Variants in FGF13 observed in about 807,000 individuals in gnomAD.
FGF13 encodes the protein fibroblast growth factor homologous factor 2.
In FGF13, 2 loss-of-function variants were observed where a neutral mutation model predicts 19.5. The ratio of observed to expected loss-of-function variants is 0.10; its 90% CI spans 0.04 to 0.32. FGF13 has a LOEUF of 0.32. Among genes scored for constraint, FGF13 ranks in the 10% least tolerant of loss-of-function variants. The probability of loss-of-function intolerance (pLI) is 1.00; values close to 1 mark genes in which losing one functional copy is unlikely to be tolerated. For synonymous variants in FGF13, 72 were observed against 76.9 expected (o/e 0.94, Z 0.33); for missense variants, 113 against 192.7 (o/e 0.59, Z 2.45).
At chrX:138,997,088 G>A (rs1250905757) in intron 1 of FGF13, among the ~76,000 whole-genome samples, 1 of 112,234 alleles carries the variant, frequency 8.9e-6, no homozygotes, top group African/African-American at 3.2e-5. Flanking sequence ...CAGCTGAGGA[G>A]CCTGACTGTT....
chrX:138,865,473 CCTCT>C (rs1197850890), intron 1 of FGF13, among the ~76,000 whole-genome samples: 15 of 64,419 alleles, frequency 2.3e-4, no homozygotes, highest in Non-Finnish European at 4.7e-4. Flanking sequence ...CTCTCTCTCT[CCTCT>C]CTCTCTCTCC....
At chrX:138,814,612 C>T (rs893805351) in intron 3 of FGF13, among the ~76,000 whole-genome samples, 2 of 111,031 alleles carry the variant, frequency 1.8e-5, no homozygotes, top group African/African-American at 6.5e-5. Flanking sequence ...TGCTCGACAT[C>T]CTAATTATCA....
intron 3 of FGF13, among the ~76,000 whole-genome samples, chrX:138,655,890 T>C (rs1040654474): frequency 1.8e-5 from 2 of 111,766 alleles, no homozygotes; most frequent in African/African-American, 6.5e-5. Flanking sequence ...GGAGAATACA[T>C]AGCTTCTTTG....
At chrX:138,809,969 C>A (rs1304104429) in intron 3 of FGF13, among the ~76,000 whole-genome samples, 1 of 111,635 alleles carries the variant, frequency 9.0e-6, no homozygotes, top group Non-Finnish European at 1.9e-5. Context: ...GAAGAACATC[C>A]CATGCTCATG....
intron 1 of FGF13, among the ~76,000 whole-genome samples, chrX:139,140,637 G>A (rs1419623059): frequency 4.5e-5 from 5 of 111,160 alleles, no homozygotes; most frequent in Non-Finnish European, 3.8e-5. Flanking sequence ...GTCCCTTAGG[G>A]TCTATTTCAA....
chrX:138,867,345 C>A (rs769247199), intron 1 of FGF13, among the ~76,000 whole-genome samples: 1 of 111,112 alleles, frequency 9.0e-6, no homozygotes, highest in Non-Finnish European at 1.9e-5. Context: ...CTTGAGCCCA[C>A]GAGTTCGAGG....
At chrX:138,817,779 T>C (rs777619694) in intron 3 of FGF13, among the ~76,000 whole-genome samples, 85 of 112,335 alleles carry the variant, frequency 7.6e-4, no homozygotes, top group Non-Finnish European at 1.1e-3. Flanking sequence ...GGATTGAAGT[T>C]ACAGATGTAC....
chrX:138,648,099 G>A (rs929082784), intron 3 of FGF13, among the ~76,000 whole-genome samples: 1 of 111,505 alleles, frequency 9.0e-6, no homozygotes, highest in Non-Finnish European at 1.9e-5. Flanking sequence ...TGATCAATTC[G>A]TACTTTGTTC....
chrX:139,194,691 C>A (rs2084358084), intron 1 of FGF13, among the ~76,000 whole-genome samples: 2 of 111,523 alleles, frequency 1.8e-5, no homozygotes, highest in African/African-American at 6.5e-5. Flanking sequence ...GCGCGCCTCC[C>A]TGAGCCCCGC....
intron 1 of FGF13, among the ~76,000 whole-genome samples, chrX:138,999,329 T>A (rs1010365481): frequency 3.6e-5 from 4 of 111,138 alleles, no homozygotes; most frequent in African/African-American, 1.3e-4. Flanking sequence ...AATAAATACC[T>A]AAGATCAGAG....
intron 1 of FGF13, among the ~76,000 whole-genome samples, chrX:138,733,962 C>T (rs955896300): frequency 1.4e-4 from 15 of 110,787 alleles, no homozygotes; most frequent in African/African-American, 4.6e-4. Flanking sequence ...AGATGCTCAG[C>T]GCAAGGGGAC....
intron 1 of FGF13, among the ~76,000 whole-genome samples, chrX:138,991,739 G>A (rs969890649): frequency 8.9e-6 from 1 of 112,138 alleles, no homozygotes; most frequent in South Asian, 3.7e-4. Flanking sequence ...AGCTATAAAT[G>A]TCAGTTGTAT....
In FGF13 at chrX:139,147,586, C is replaced by T. The variant is rs1019834156; in HGVS notation, c.-113+55830G>A. 7.2e-5 allele frequency among the ~76,000 whole-genome samples: 8 copies of T among 111,759 alleles called. No homozygotes were observed. The East Asian group carries it at 8.5e-4, about 12-fold the overall frequency. On this transcript the variant is annotated intron_variant, in intron 1 of 2. Coordinates refer to the FGF13 transcript ENST00000421460. Reference sequence around the variant, plus strand: ...TTTCCTAGGGCTGCCATAACAAAATCGCAAACTGGATGTCTGAAAACAACA... The same window carrying T: ...TTTCCTAGGGCTGCCATAACAAAATTGCAAACTGGATGTCTGAAAACAACA...
At chrX:139,087,078 C>T (rs2083408773) in intron 1 of FGF13, among the ~76,000 whole-genome samples, 1 of 112,332 alleles carries the variant, frequency 8.9e-6, no homozygotes, top group Non-Finnish European at 1.9e-5. Context: ...GGGTGGATCA[C>T]CTGAAGTCGG....
chrX:138,839,590 A>C (rs1181471846), intron 3 of FGF13, among the ~76,000 whole-genome samples: 1 of 111,946 alleles, frequency 8.9e-6, no homozygotes, highest in African/African-American at 3.2e-5. Context: ...ATCTTTAATA[A>C]ATCAGGTCTT....
intron 3 of FGF13, among the ~76,000 whole-genome samples, chrX:138,755,494 C>G (rs143529141): frequency 2.4e-3 from 270 of 112,600 alleles, no homozygotes; most frequent in African/African-American, 8.2e-3. Flanking sequence ...ATGCATTCAG[C>G]TTTTTCTTTC....
chrX:138,891,743 C>A (rs997472816), intron 1 of FGF13, among the ~76,000 whole-genome samples: 1 of 110,615 alleles, frequency 9.0e-6, no homozygotes, highest in African/African-American at 3.3e-5. Flanking sequence ...CACCCTTAAT[C>A]TGGTATGCAC....
chrX:138,771,367 G>A (rs1020704446), intron 3 of FGF13, among the ~76,000 whole-genome samples: 2 of 111,442 alleles, frequency 1.8e-5, no homozygotes, highest in Non-Finnish European at 3.8e-5. Flanking sequence ...TAGTATATAG[G>A]TTTGCCAGAT....
chrX:139,014,167 TTAAAA>T (rs1354065208), intron 1 of FGF13, among the ~76,000 whole-genome samples: 2 of 110,615 alleles, frequency 1.8e-5, no homozygotes, highest in African/African-American at 6.6e-5. Context: ...AATAAAAAAC[TTAAAA>T]TAACCTAATG....
Sources: gnomAD v4.1 joint callset for allele counts (sites outside exome capture counted in the v4.1 genomes callset) on GRCh38, gnomAD v4.1.1 for gene constraint, MANE v1.5 for transcripts, NCBI Gene and HGNC (gene_info 2026-07-23, HGNC 2026-07-21) for gene names.